LYZL2: variants seen among roughly 807,000 people sequenced by gnomAD.
LYZL2 encodes lysozyme like 2.
In LYZL2, 13 loss-of-function variants were observed where a neutral mutation model predicts 17.1. That is an observed-to-expected ratio of 0.76 (90% confidence interval 0.49 to 1.21). The LOEUF is 1.21. LYZL2 is among the 50% of genes most tolerant of loss of function. LYZL2 has a pLI of 0.00. For missense variants in LYZL2, 166 were observed against 189.2 expected (o/e 0.88, Z 0.72); for synonymous variants, 63 against 74.4 (o/e 0.85, Z 0.79).
chr10:30,624,085 T>C (rs1345024348), intron 3 of LYZL2, among the ~76,000 whole-genome samples: 3 of 152,278 alleles, frequency 2.0e-5, no homozygotes, highest in East Asian at 3.9e-4. Flanking sequence ...TGGTGGAGTA[T>C]GTTTTCCTAT....
At chr10:30,609,582 C>G (rs1271893037), downstream of LYZL2, among the ~76,000 whole-genome samples, 1 of 152,204 alleles carries the variant, frequency 6.6e-6, no homozygotes, top group Non-Finnish European at 1.5e-5. Context: ...CCAGGCAGAG[C>G]TGAGTCCCCA....
intron 3 of LYZL2, among the ~76,000 whole-genome samples, chr10:30,616,339 A>G (rs767175039): frequency 3.3e-5 from 5 of 152,246 alleles, no homozygotes; most frequent in Non-Finnish European, 5.9e-5. Context: ...CAGATTCACT[A>G]GCATTTGGTT....
intron 3 of LYZL2, among the ~76,000 whole-genome samples, chr10:30,625,899 A>G (rs1448201996): frequency 6.6e-6 from 1 of 152,188 alleles, no homozygotes; most frequent in Non-Finnish European, 1.5e-5. Context: ...AAAACTGTCT[A>G]CAAGGAATAA....
rs184465415 is a variant in LYZL2, at chr10:30,626,599, G to T, written c.139+178C>A. On this transcript the variant is annotated intron_variant, in intron 2 of 4. Coordinates refer to ENST00000647634, the MANE Select transcript of LYZL2 (RefSeq NM_183058.3). ...GACTCCAGGAATAAGGAAATGAGGG[G>T]CAGGGGAGGAAGGAGAGGAGACCCA... Among the ~76,000 whole-genome samples, 502 of 152,220 alleles carry T rather than the reference G, an allele frequency of 3.3e-3. 5 individuals are homozygous for T. Among genetic ancestry groups the T allele is most frequent in the African/African-American group, 0.011 (462 of 41,506 alleles).
chr10:30,623,647 A>G (rs542507003), intron 3 of LYZL2, among the ~76,000 whole-genome samples: 88 of 152,292 alleles, frequency 5.8e-4, no homozygotes, highest in African/African-American at 2.0e-3. Context: ...ATGCCTGATG[A>G]TCCGTCACTG....
At position 30,626,793 on chromosome 10, in the gene LYZL2, G is replaced by A. The variant is rs1838715757; in HGVS notation, c.123C>T (p.Gly41=). The A allele has an allele frequency of 6.2e-7, 1 of 1,614,264 alleles. No homozygotes were observed. The highest frequency in any genetic ancestry group is 8.5e-7 in the Non-Finnish European group (1 of 1,180,054). ...TAATCTCACAGTTTCCAAGGCTGAA[G>A]CCCCAGTAATTGTCCAGGCCAGCCC... ...FSRAGLDNYW[G]FSLGNWICMA... The change falls in exon 2 of 5, where the codon GGC becomes GGT. Residue 41 remains glycine (G), a synonymous_variant. Transcript: ENST00000647634.
chr10:30,619,323 C>T (rs1838583359), intron 3 of LYZL2, among the ~76,000 whole-genome samples: 3 of 152,304 alleles, frequency 2.0e-5, no homozygotes, highest in African/African-American at 4.8e-5. Context: ...CATCCCATTA[C>T]TGGGTATATA....
downstream of LYZL2, chr10:30,611,764 G>A (rs1838448682): frequency 1.3e-6 from 1 of 791,112 alleles, no homozygotes; most frequent in Non-Finnish European, 1.8e-6. Context: ...GAAAGAAAGA[G>A]AAAAGGGAAC....
At chr10:30,628,455 C>T (rs1253389812) in intron 1 of LYZL2, among the ~76,000 whole-genome samples, 1 of 152,148 alleles carries the variant, frequency 6.6e-6, no homozygotes, top group Non-Finnish European at 1.5e-5. Flanking sequence ...CCCATAGAAT[C>T]GTCTGAAATG....
chr10:30,616,703 C>A (rs547246374), intron 3 of LYZL2, among the ~76,000 whole-genome samples: 1 of 152,298 alleles, frequency 6.6e-6, no homozygotes, highest in Admixed American at 6.5e-5. Context: ...TCTATGGGTA[C>A]CATTTTATCC....
chr10:30,627,142 A>G (rs553790342), intron 1 of LYZL2, among the ~76,000 whole-genome samples: 67 of 152,258 alleles, frequency 4.4e-4, no homozygotes, highest in African/African-American at 1.5e-3. Flanking sequence ...CCATACAGTA[A>G]CTTTCAAGTC....
intron 4 of LYZL2, 135 bp from the exon 5 acceptor site, chr10:30,612,159 AG>A: frequency 5.6e-6 from 6 of 1,071,830 alleles, no homozygotes; most frequent in Middle Eastern, 5.1e-4. Context: ...CTGAGATCAA[AG>A]GACGCTGTCA....
intron 3 of LYZL2, among the ~76,000 whole-genome samples, chr10:30,618,291 T>C (rs939034149): frequency 2.0e-5 from 3 of 151,900 alleles, no homozygotes; most frequent in Non-Finnish European, 4.4e-5. Context: ...CATCAAGCTA[T>C]CAATGACTTT....
At chr10:30,611,303 C>T (rs1465505311), downstream of LYZL2, among the ~76,000 whole-genome samples, 2 of 151,726 alleles carry the variant, frequency 1.3e-5, no homozygotes, top group African/African-American at 2.4e-5. Flanking sequence ...GGGCAGATCA[C>T]CTTGAGCTCA....
chr10:30,629,150 T>C (rs1294116932), intron 1 of LYZL2, among the ~76,000 whole-genome samples: 1 of 152,136 alleles, frequency 6.6e-6, no homozygotes, highest in Non-Finnish European at 1.5e-5. Flanking sequence ...CTCAGCACTT[T>C]GTGAGGGTGA....
chr10:30,612,939 G>T (rs768883582), intron 3 of LYZL2, 39 bp from the exon 4 acceptor site: 15 of 1,546,394 alleles, frequency 9.7e-6, no homozygotes, highest in Non-Finnish European at 1.2e-5. Flanking sequence ...GCGAGACTTT[G>T]TTGTTGGAGA....
At chr10:30,617,397 C>A (rs554016496) in intron 3 of LYZL2, among the ~76,000 whole-genome samples, 2 of 152,154 alleles carry the variant, frequency 1.3e-5, no homozygotes, top group African/African-American at 2.4e-5. Flanking sequence ...GTATGTCGAC[C>A]GGGCGCGGCG....
chr10:30,615,478 T>C (rs961741727), intron 3 of LYZL2, among the ~76,000 whole-genome samples: 6 of 152,206 alleles, frequency 3.9e-5, no homozygotes, highest in African/African-American at 1.4e-4. Context: ...AATTATACTG[T>C]ACTGCTTACT....
intron 3 of LYZL2, among the ~76,000 whole-genome samples, chr10:30,624,827 T>C (rs1780906942): frequency 6.6e-6 from 1 of 152,162 alleles, no homozygotes; most frequent in Non-Finnish European, 1.5e-5. Context: ...GGACTCTGCC[T>C]GAGTCCTTAG....
Sources: gnomAD v4.1 joint callset for allele counts (sites outside exome capture counted in the v4.1 genomes callset) on GRCh38, gnomAD v4.1.1 for gene constraint, MANE v1.5 for transcripts, NCBI Gene and HGNC (gene_info 2026-07-23, HGNC 2026-07-21) for gene names.